Variants in LPP observed in about 807,000 individuals in gnomAD.
LPP encodes LIM domain containing preferred translocation partner in lipoma, also known as lipoma-preferred partner.
LPP carries 38 observed loss-of-function variants against 60.4 expected under a neutral mutation model. The observed-to-expected ratio is 0.63, with a 90% confidence interval of 0.49 to 0.83. The LOEUF is 0.83. LPP is among the 40% of genes least tolerant of loss of function. LPP has a pLI of 0.00. For synonymous variants in LPP, 328 were observed against 290.8 expected, an observed-to-expected ratio of 1.13 and a Z score of -1.30; for missense variants, 902 against 783.6, an observed-to-expected ratio of 1.15 and a Z score of -1.80.
At chr3:188,507,032 C>T (rs1189757035) in intron 5 of LPP, among the ~76,000 whole-genome samples, 4 of 151,908 alleles carry the variant, frequency 2.6e-5, no homozygotes, top group Non-Finnish European at 5.9e-5. Flanking sequence ...CTCCTGGCCT[C>T]GTGGTCCACC....
At chr3:188,832,882 C>T (rs1474901560) in intron 9 of LPP, among the ~76,000 whole-genome samples, 1 of 152,170 alleles carries the variant, frequency 6.6e-6, no homozygotes, top group Non-Finnish European at 1.5e-5. Flanking sequence ...CATCCCAGTG[C>T]CATTCTAACA....
intron 9 of LPP, among the ~76,000 whole-genome samples, chr3:188,761,374 C>T (rs1024856994): frequency 2.0e-5 from 3 of 152,106 alleles, no homozygotes; most frequent in Admixed American, 1.3e-4. Context: ...ATTAAGGCTT[C>T]GTAGGATTAA....
chr3:188,396,168 T>A (rs1269029378), intron 3 of LPP, among the ~76,000 whole-genome samples: 14 of 152,166 alleles, frequency 9.2e-5, no homozygotes, highest in Non-Finnish European at 5.9e-5. Context: ...TCACAAGCAG[T>A]GTTATCAGAT....
intron 6 of LPP, among the ~76,000 whole-genome samples, chr3:188,546,326 T>C (rs1388449877): frequency 6.6e-6 from 1 of 152,190 alleles, no homozygotes; most frequent in Non-Finnish European, 1.5e-5. Flanking sequence ...ATGCTGTTAC[T>C]AATCACCATT....
chr3:188,529,891 G>A lies in LPP; in HGVS notation c.429+5104G>A, dbSNP rs76714228. On this transcript the variant is annotated intron_variant, in intron 6 of 11. Coordinates refer to ENST00000617246, the MANE Select transcript of LPP (RefSeq NM_001375462.1). ...TTCAATGTGCTACTTAAATTGTCAC[G>A]TAAATCACCACGTGTCAAAATTATT... Among the ~76,000 whole-genome samples, 183 of 152,296 alleles carry A rather than the reference G, an allele frequency of 1.2e-3. 3 individuals are homozygous for A. The highest frequency in any genetic ancestry group is 1.4e-3 in the Non-Finnish European group (92 of 68,020).
chr3:188,333,755 A>C (rs937776496), intron 2 of LPP, among the ~76,000 whole-genome samples: 4 of 152,214 alleles, frequency 2.6e-5, no homozygotes, highest in Admixed American at 2.6e-4. Context: ...AAATTAACAC[A>C]TAATTGTACA....
chr3:188,452,392 C>T (rs1796798355), intron 4 of LPP, among the ~76,000 whole-genome samples: 1 of 152,040 alleles, frequency 6.6e-6, no homozygotes. Context: ...TTTCCTTTCT[C>T]CCCAGAAAGG....
chr3:188,613,276 A>ATATCTATATC (rs1232327104), intron 7 of LPP, among the ~76,000 whole-genome samples: 1 of 139,542 alleles, frequency 7.2e-6, no homozygotes, highest in Non-Finnish European at 1.6e-5. Context: ...ATCTATATCT[A>ATATCTATATC]TATCTATATC....
chr3:188,495,388 A>G (rs1002700920), intron 5 of LPP, among the ~76,000 whole-genome samples: 2 of 151,632 alleles, frequency 1.3e-5, no homozygotes, highest in African/African-American at 4.8e-5. Flanking sequence ...CAGCACAAGT[A>G]TAATTTAACT....
chr3:188,716,432 G>A (rs901715429), intron 8 of LPP, among the ~76,000 whole-genome samples: 6 of 152,202 alleles, frequency 3.9e-5, no homozygotes, highest in African/African-American at 1.4e-4. Context: ...AAAAAACAAT[G>A]AGGAGGATGG....
intron 9 of LPP, among the ~76,000 whole-genome samples, chr3:188,805,483 CT>C (rs1224088421): frequency 4.0e-5 from 6 of 150,736 alleles, no homozygotes; most frequent in Non-Finnish European, 5.9e-5. Flanking sequence ...TGTCTTATTT[CT>C]TTTTTTTCTT....
intron 6 of LPP, among the ~76,000 whole-genome samples, chr3:188,560,255 C>G (rs1246872946): frequency 1.3e-5 from 2 of 152,082 alleles, no homozygotes; most frequent in African/African-American, 2.4e-5. Flanking sequence ...TGCTTCTTCA[C>G]TGGTTTATCT....
chr3:188,567,935 A>T (rs142284556), intron 6 of LPP, among the ~76,000 whole-genome samples: 1 of 152,116 alleles, frequency 6.6e-6, no homozygotes, highest in African/African-American at 2.4e-5. Flanking sequence ...GACTACTGTG[A>T]TTACAACAGT....
chr3:188,205,277 CTTTTTTTTTTT>C (rs34713244), intron 1 of LPP, among the ~76,000 whole-genome samples: 2 of 103,418 alleles, frequency 1.9e-5, no homozygotes, highest in African/African-American at 7.4e-5. Flanking sequence ...AGATTATAAT[CTTTTTTTTTTT>C]TTTTTTTTTT....
chr3:188,475,104 A>T (rs904108333), intron 4 of LPP, among the ~76,000 whole-genome samples: 7 of 152,224 alleles, frequency 4.6e-5, no homozygotes, highest in Admixed American at 3.9e-4. Context: ...CTCATGTAAT[A>T]CACTGAGGTG....
At chr3:188,384,453 C>T (rs191240894) in intron 3 of LPP, among the ~76,000 whole-genome samples, 58 of 151,958 alleles carry the variant, frequency 3.8e-4, no homozygotes, top group East Asian at 3.7e-3. Context: ...CAGGTATTTA[C>T]GAAGGGACTC....
At chr3:188,262,252 C>A (rs1733916256) in intron 2 of LPP, among the ~76,000 whole-genome samples, 1 of 152,064 alleles carries the variant, frequency 6.6e-6, no homozygotes, top group Non-Finnish European at 1.5e-5. Context: ...CTGCTTGACT[C>A]TACCGATATT....
intron 3 of LPP, among the ~76,000 whole-genome samples, chr3:188,390,192 G>A (rs1156987753): frequency 6.6e-5 from 10 of 152,104 alleles, no homozygotes; most frequent in Admixed American, 6.5e-4. Flanking sequence ...CCATTGTTGT[G>A]TGTGGTACAG....
At chr3:188,506,717 T>C (rs1813567911) in intron 5 of LPP, among the ~76,000 whole-genome samples, 1 of 152,224 alleles carries the variant, frequency 6.6e-6, no homozygotes, top group African/African-American at 2.4e-5. Context: ...TTCCATTACC[T>C]TCTTGTTCAT....
Sources: allele counts gnomAD v4.1 joint callset (sites outside exome capture counted in the v4.1 genomes callset), GRCh38; gene constraint gnomAD v4.1.1; transcripts MANE v1.5; gene names NCBI Gene and HGNC (gene_info 2026-07-23, HGNC 2026-07-21).